The following TBX18 variants were observed in gnomAD, a reference collection of about 807,000 sequenced individuals.
TBX18 encodes the protein T-box transcription factor TBX18.
TBX18 carries 21 observed loss-of-function variants against 55.0 expected under a neutral mutation model. That is an observed-to-expected ratio of 0.38 (90% CI 0.27 to 0.55). The LOEUF (loss-of-function observed/expected upper bound fraction) is 0.55. Among genes scored for constraint, TBX18 ranks in the 20% least tolerant of loss-of-function variants. The pLI, the probability that TBX18 is intolerant of heterozygous loss-of-function variation, is 0.73. For synonymous variants in TBX18, 342 were observed against 326.1 expected, an observed-to-expected ratio of 1.05 and a Z score of -0.53; for missense variants, 840 against 799.6, an observed-to-expected ratio of 1.05 and a Z score of -0.61.
In TBX18 at chr6:84,764,471, G is replaced by T; in HGVS notation, c.-290C>A. On this transcript the variant is annotated 5_prime_UTR_variant, in exon 1 of 8. Transcript: ENST00000369663. ...CCCTTCCACCTCCTCCTGCTGCTCC[G>T]AGGTCTGCCTCAACTGATGCGCCAG... 2.5e-6 allele frequency: 1 copy of T among 398,370 alleles called. No individual in the cohort carries two copies. The allele number at this position is 398,370 out of a possible 1,614,324, so 24.7% of individuals were successfully genotyped here.
chr6:84,740,017 G>C (rs1036115619), intron 6 of TBX18, among the ~76,000 whole-genome samples: 2 of 152,188 alleles, frequency 1.3e-5, no homozygotes, highest in East Asian at 3.9e-4. Flanking sequence ...GCACAGGCTT[G>C]CATGCACAAA....
chr6:84,733,058 A>C lies in TBX18; in HGVS notation c.*3627T>G, dbSNP rs1207347635. On this transcript the variant is annotated 3_prime_UTR_variant, in exon 8 of 8. Transcript: ENST00000369663. Reference sequence around the variant, plus strand: ...CATGATTGAGAAATCCATAGTCTCAAACTAAGTTCTCTAATTCCCGAGGAC... The same window carrying C: ...CATGATTGAGAAATCCATAGTCTCACACTAAGTTCTCTAATTCCCGAGGAC... The C allele has an allele frequency of 6.6e-6, 1 of 152,164 alleles. No individual in the cohort carries two copies. The highest frequency in any genetic ancestry group is 1.9e-4 in the East Asian group (1 of 5,190). The allele number at this position is 152,164 out of a possible 1,614,324, so 9.4% of individuals were successfully genotyped here.
chr6:84,756,814 G>C lies in TBX18; in HGVS notation c.655C>G (p.Pro219Ala). ...MVAGNADSPV[P>A]PRVYIHPDSP... ...TCTGGATGAATGTACACACGGGGTG[G>C]CACAGGCGAGTCAGCATTACCTGCC... The change falls in exon 4 of 8, where the codon CCA (proline) becomes GCA (alanine). Residue 219 changes from proline (P) to alanine (A), a missense_variant. Pro to Ala is a conservative substitution (Grantham distance 27, BLOSUM62 -1). Coordinates refer to ENST00000369663, the MANE Select transcript of TBX18 (RefSeq NM_001080508.3). The C allele has an allele frequency of 6.2e-7, 1 of 1,614,096 alleles. No individual in the cohort carries two copies. Among genetic ancestry groups the C allele is most frequent in the Non-Finnish European group, 8.5e-7 (1 of 1,179,998 alleles).
At chr6:84,752,599 A>G (rs1767379900) in intron 4 of TBX18, among the ~76,000 whole-genome samples, 1 of 152,138 alleles carries the variant, frequency 6.6e-6, no homozygotes, top group South Asian at 2.1e-4. Flanking sequence ...TTCCAATATA[A>G]CCCATGAGAA....
At chr6:84,739,312 A>C (rs767361700) in intron 6 of TBX18, among the ~76,000 whole-genome samples, 2 of 152,112 alleles carry the variant, frequency 1.3e-5, no homozygotes, top group Non-Finnish European at 2.9e-5. Flanking sequence ...TAATGAATGG[A>C]TACTTAAAGA....
At position 84,758,474 on chromosome 6, in the gene TBX18, A is replaced by G. The variant is rs1048248654; in HGVS notation, c.600-1605T>C. Among the ~76,000 whole-genome samples the G allele has an allele frequency of 6.6e-5, 10 of 152,236 alleles. No individual in the cohort carries two copies. The South Asian group carries it at 8.3e-4, about 13-fold the overall frequency. ...TTTTAAGTGGTATGATGTAATTTCA[A>G]TAAGTTCCTAATTGTGGGCTTTTGT... On this transcript the variant is annotated intron_variant, in intron 3 of 7. Transcript: ENST00000369663.
At position 84,764,506 on chromosome 6, in the gene TBX18, A is replaced by C; in HGVS notation, c.-325T>G. The C allele has an allele frequency of 3.1e-6, 1 of 318,774 alleles. No homozygotes were observed. The highest frequency in any genetic ancestry group is 5.7e-6 in the Non-Finnish European group (1 of 175,852). The allele number at this position is 318,774 out of a possible 1,614,324, so 19.7% of individuals were successfully genotyped here. A position where few individuals can be genotyped will look rare whatever the true frequency, so the allele number is the denominator to read the frequency against. ...TCAACTGATGCGCCAGAGAGGACTAACATGGGTAAAAAACACTCTGTGGAC... is the reference window on the plus strand; with the variant it reads ...TCAACTGATGCGCCAGAGAGGACTACCATGGGTAAAAAACACTCTGTGGAC... On this transcript the variant is annotated 5_prime_UTR_variant, in exon 1 of 8. Coordinates refer to ENST00000369663, the MANE Select transcript of TBX18 (RefSeq NM_001080508.3).
chr6:84,758,920 T>A (rs1767570597), intron 3 of TBX18, among the ~76,000 whole-genome samples: 1 of 152,290 alleles, frequency 6.6e-6, no homozygotes, highest in South Asian at 2.1e-4. Context: ...ATGTCTTTAT[T>A]TCTATGAGAG....
At chr6:84,762,474 G>A in intron 2 of TBX18, 70 bp downstream of exon 2, 3 of 1,566,744 alleles carry the variant, frequency 1.9e-6, no homozygotes, top group Non-Finnish European at 2.6e-6. Context: ...CCTTCTTCCT[G>A]ATTGAGCTAG....
intron 2 of TBX18, 104 bp from the exon 3 acceptor site, chr6:84,760,460 G>C: frequency 1.5e-6 from 1 of 647,888 alleles, no homozygotes; most frequent in East Asian, 2.8e-5. Context: ...TTTTTAATAT[G>C]GATAAATTTA....
chr6:84,760,440 T>C, intron 2 of TBX18, 84 bp from the exon 3 acceptor site: 1 of 803,740 alleles, frequency 1.2e-6, no homozygotes, highest in South Asian at 2.1e-5. Flanking sequence ...AGAAACCTCT[T>C]GGATCTCTAT....
chr6:84,747,610 T>C (rs1204825314), intron 5 of TBX18, among the ~76,000 whole-genome samples: 1 of 152,012 alleles, frequency 6.6e-6, no homozygotes, highest in African/African-American at 2.4e-5. Context: ...ATTTTTAATA[T>C]TCTACATGTC....
At chr6:84,738,286 G>A (rs1255171995) in intron 7 of TBX18, among the ~76,000 whole-genome samples, 1 of 152,126 alleles carries the variant, frequency 6.6e-6, no homozygotes, top group African/African-American at 2.4e-5. Context: ...TATACAAACA[G>A]CCTAAGACAT....
Position 84,762,465 on chromosome 6 carries a change from C to G in TBX18, c.497+79G>C. On this transcript the variant is annotated intron_variant, in intron 2 of 7. Coordinates refer to ENST00000369663, the MANE Select transcript of TBX18 (RefSeq NM_001080508.3). Reference sequence around the variant, plus strand: ...CAGAACCCCCACCGAGCTGCAGGCCCTTCTTCCTGATTGAGCTAGAGGTGA... The same window carrying G: ...CAGAACCCCCACCGAGCTGCAGGCCGTTCTTCCTGATTGAGCTAGAGGTGA... The G allele has an allele frequency of 2.0e-6, 3 of 1,535,374 alleles. No individual in the cohort carries two copies. The South Asian group carries it at 3.4e-5, about 17-fold the overall frequency.
In TBX18 at chr6:84,764,157, G is replaced by A; in HGVS notation, c.25C>T (p.Pro9Ser). 1.3e-6 allele frequency: 2 copies of A among 1,528,474 alleles called. No individual in the cohort carries two copies. The highest frequency in any genetic ancestry group is 8.7e-7 in the Non-Finnish European group (1 of 1,147,814). The allele number at this position is 1,528,474 out of a possible 1,614,324, so 94.7% of individuals were successfully genotyped here. A position where few individuals can be genotyped will look rare whatever the true frequency, so the allele number is the denominator to read the frequency against. Reference sequence around the variant, plus strand: ...GCCTTGAGGCTTAGCATGCTGCACGGCGAGCCCCTTCGCTTCTCGGCCATC... The same window carrying A: ...GCCTTGAGGCTTAGCATGCTGCACGACGAGCCCCTTCGCTTCTCGGCCATC... Reference protein sequence around the residue: MAEKRRGSPCSMLSLKAHA... With the variant: MAEKRRGSSCSMLSLKAHA... The change falls in exon 1 of 8, where the codon CCG becomes TCG. Residue 9 changes from proline (P) to serine (S), a missense_variant. Coordinates refer to ENST00000369663, the MANE Select transcript of TBX18 (RefSeq NM_001080508.3).
Position 84,756,808 on chromosome 6 carries a change from G to C in TBX18, c.661C>G (p.Arg221Gly), listed in dbSNP as rs747331186. 9 of 1,613,898 alleles carry C rather than the reference G, an allele frequency of 5.6e-6. No individual in the cohort carries two copies. The highest frequency in any genetic ancestry group is 7.6e-6 in the Non-Finnish European group (9 of 1,179,988). The stretch of plus-strand genomic sequence containing the variant: ...GGCGAGTCTGGATGAATGTACACAC[G>C]GGGTGGCACAGGCGAGTCAGCATTA... ...AGNADSPVPP[R>G]VYIHPDSPAS... Residue 221 changes from arginine (R) to glycine (G), a missense_variant, in exon 4 of 8, where the codon CGT (arginine) becomes GGT (glycine). Coordinates refer to ENST00000369663, the MANE Select transcript of TBX18 (RefSeq NM_001080508.3).
intron 3 of TBX18, among the ~76,000 whole-genome samples, chr6:84,758,184 G>C (rs1767546295): frequency 6.6e-6 from 1 of 152,048 alleles, no homozygotes; most frequent in South Asian, 2.1e-4. Flanking sequence ...GAGGTAGGCG[G>C]ATCACGAGGT....
intron 5 of TBX18, among the ~76,000 whole-genome samples, chr6:84,747,554 T>C (rs1562260773): frequency 6.6e-6 from 1 of 152,220 alleles, no homozygotes; most frequent in Non-Finnish European, 1.5e-5. Context: ...GAATGTAGTT[T>C]AAAAATAAAG....
chr6:84,735,488 C>T lies in TBX18; in HGVS notation c.*1197G>A, dbSNP rs1212733677. 6.6e-6 allele frequency: 1 copy of T among 152,118 alleles called. No individual in the cohort carries two copies. The highest frequency in any genetic ancestry group is 2.4e-5 in the African/African-American group (1 of 41,420). The allele number at this position is 152,118 out of a possible 1,614,324, so 9.4% of individuals were successfully genotyped here. A position where few individuals can be genotyped will look rare whatever the true frequency, so the allele number is the denominator to read the frequency against. ...GGGCTTTGGCCTTTGCACTATAGCTCCCAAAAGACAGATTGCTGGAGATAA... is the reference window on the plus strand; with the variant it reads ...GGGCTTTGGCCTTTGCACTATAGCTTCCAAAAGACAGATTGCTGGAGATAA... On this transcript the variant is annotated 3_prime_UTR_variant, in exon 8 of 8. Coordinates refer to ENST00000369663, the MANE Select transcript of TBX18 (RefSeq NM_001080508.3).
Sources: allele counts gnomAD v4.1 joint callset (sites outside exome capture counted in the v4.1 genomes callset), GRCh38; gene constraint gnomAD v4.1.1; transcripts MANE v1.5; gene names NCBI Gene and HGNC (gene_info 2026-07-23, HGNC 2026-07-21).